The following ATG14 variants were observed in gnomAD, a reference collection of about 807,000 sequenced individuals.
ATG14 encodes the protein autophagy related 14, also known as beclin 1-associated autophagy-related key regulator.
In ATG14, 35 loss-of-function variants were observed where a neutral mutation model predicts 60.4. The observed-to-expected ratio is 0.58, with a 90% CI of 0.44 to 0.77. The LOEUF (loss-of-function observed/expected upper bound fraction) is 0.77, where lower values mean the gene tolerates loss of function less well. ATG14 is among the 30% of genes least tolerant of loss of function. ATG14 has a pLI of 0.00. For synonymous variants in ATG14, 234 were observed against 228.8 expected, an observed-to-expected ratio of 1.02 and a Z score of -0.21; for missense variants, 647 against 626.3, an observed-to-expected ratio of 1.03 and a Z score of -0.35.
chr14:55,397,931 A>G (rs377040346), intron 1 of ATG14, among the ~76,000 whole-genome samples: 2 of 148,174 alleles, frequency 1.3e-5, no homozygotes, highest in Admixed American at 1.3e-4. Flanking sequence ...GAGGTATCAC[A>G]TTGCAGTAAT....
chr14:55,387,699 C>T lies in ATG14; in HGVS notation c.410-1603G>A, dbSNP rs12892465. ...GTTTTTTCGTTTTGAGACGGAGTTTCGCTCTTGTTGCCCAGGCTGGAATGC... is the reference window on the plus strand; with the variant it reads ...GTTTTTTCGTTTTGAGACGGAGTTTTGCTCTTGTTGCCCAGGCTGGAATGC... On this transcript the variant is annotated intron_variant, in intron 4 of 9. Coordinates refer to ENST00000247178, the MANE Select transcript of ATG14 (RefSeq NM_014924.5). 4.4e-3 allele frequency among the ~76,000 whole-genome samples: 675 copies of T among 152,196 alleles called. 1 individual carries two copies. Among genetic ancestry groups the T allele is most frequent in the Non-Finnish European group, 7.2e-3 (493 of 68,008 alleles).
At chr14:55,377,363 T>C (rs1204792604) in intron 9 of ATG14, among the ~76,000 whole-genome samples, 6 of 151,072 alleles carry the variant, frequency 4.0e-5, no homozygotes, top group South Asian at 4.2e-4. Context: ...AAAAAGGAAA[T>C]TGTGAATTGT....
intron 1 of ATG14, among the ~76,000 whole-genome samples, chr14:55,408,388 C>G (rs1885521705): frequency 6.6e-6 from 1 of 152,110 alleles, no homozygotes; most frequent in Non-Finnish European, 1.5e-5. Context: ...ACAGGGAGGT[C>G]AAAGCTGCAG....
intron 3 of ATG14, chr14:55,395,046 CT>C: frequency 2.0e-6 from 1 of 494,020 alleles, no homozygotes; most frequent in South Asian, 1.5e-5. Flanking sequence ...CCACTTCTGA[CT>C]TTTCCCCCTT....
At chr14:55,410,857 G>T (rs1465567140) in intron 1 of ATG14, among the ~76,000 whole-genome samples, 1 of 152,206 alleles carries the variant, frequency 6.6e-6, no homozygotes, top group Non-Finnish European at 1.5e-5. Flanking sequence ...AACATAAGTT[G>T]AGAGTGGGAG....
At chr14:55,375,351 C>A (rs920703432) in intron 9 of ATG14, among the ~76,000 whole-genome samples, 1 of 152,154 alleles carries the variant, frequency 6.6e-6, no homozygotes, top group African/African-American at 2.4e-5. Flanking sequence ...TGTGAAGAGA[C>A]AGGGCTTCAT....
Position 55,386,014 on chromosome 14 carries a change from C to G in ATG14, c.492G>C (p.Lys164Asn). 6.2e-7 allele frequency: 1 copy of G among 1,614,170 alleles called. No individual in the cohort carries two copies. Among genetic ancestry groups the G allele is most frequent in the South Asian group, 1.1e-5 (1 of 91,088 alleles). ...RAQRHQEKKE[K>N]IQRHNRKLGD... ...CAAGTTTGCGATTATGCCTCTGAAT[C>G]TTCTCCTTTTTCTCTTGGTGCCGTT... The change falls in exon 5 of 10, where the codon AAG becomes AAC. Residue 164 changes from lysine to asparagine, a missense_variant. Transcript: ENST00000247178.
chr14:55,373,314 T>A (rs1884857724), intron 9 of ATG14, among the ~76,000 whole-genome samples: 1 of 152,236 alleles, frequency 6.6e-6, no homozygotes. Context: ...TCTAGCTTTG[T>A]AAAAGTCACT....
At chr14:55,388,097 A>G (rs1194911040) in intron 4 of ATG14, among the ~76,000 whole-genome samples, 1 of 152,112 alleles carries the variant, frequency 6.6e-6, no homozygotes, top group Non-Finnish European at 1.5e-5. Context: ...AGATCGTGCC[A>G]CTGCACTCCA....
Position 55,371,895 on chromosome 14 carries a change from A to C in ATG14, c.1173-1970T>G, listed in dbSNP as rs888316605. On this transcript the variant is annotated intron_variant, in intron 9 of 9. Coordinates refer to ENST00000247178, the MANE Select transcript of ATG14 (RefSeq NM_014924.5). Reference sequence around the variant, plus strand: ...CCTGCCCAGAAGTCAGTATTTTGCAAGGGTGAAAGGAGTAGGACTTTCTAC... The same window carrying C: ...CCTGCCCAGAAGTCAGTATTTTGCACGGGTGAAAGGAGTAGGACTTTCTAC... Among the ~76,000 whole-genome samples, 3 of 152,316 alleles carry C rather than the reference A, an allele frequency of 2.0e-5. No individual in the cohort carries two copies. In the East Asian group the frequency reaches 5.8e-4, roughly 29 times the overall value.
rs1885312949 is a variant in ATG14, at chr14:55,396,287, TAGTTACAAGA to T, written c.285-315_285-306del. On this transcript the variant is annotated intron_variant, in intron 2 of 9. Transcript: ENST00000247178. ...TGCCATCCGTCATAATTCATAGCAA[TAGTTACAAGA>T]GAATTAATGATCTAATAGTTCCCAA... is the stretch of plus-strand genomic sequence containing the variant. Among the ~76,000 whole-genome samples the T allele has an allele frequency of 2.0e-5, 3 of 152,320 alleles. No homozygotes were observed. The South Asian group carries it at 6.2e-4, about 32-fold the overall frequency.
intron 1 of ATG14, among the ~76,000 whole-genome samples, chr14:55,409,857 T>C (rs1366429008): frequency 6.6e-6 from 1 of 152,126 alleles, no homozygotes; most frequent in East Asian, 1.9e-4. Context: ...GGCTGCAATA[T>C]GGAAATTGTA....
chr14:55,370,029 G>A (rs1884779277), intron 9 of ATG14, 104 bp from the exon 10 acceptor site: 18 of 1,103,142 alleles, frequency 1.6e-5, no homozygotes, highest in South Asian at 3.7e-5. Context: ...GAGGGACGCC[G>A]CACACCCCAT....
intron 4 of ATG14, among the ~76,000 whole-genome samples, chr14:55,389,258 C>T (rs1486924107): frequency 6.6e-6 from 1 of 152,228 alleles, no homozygotes; most frequent in Non-Finnish European, 1.5e-5. Flanking sequence ...AGGAGGTTCA[C>T]AGATGCCCGG....
chr14:55,380,108 C>T (rs1396049393), intron 7 of ATG14, among the ~76,000 whole-genome samples: 1 of 151,942 alleles, frequency 6.6e-6, no homozygotes, highest in Non-Finnish European at 1.5e-5. Context: ...ATTAGCCAGG[C>T]GTGGTCGTGG....
Position 55,387,756 on chromosome 14 carries a change from C to T in ATG14, c.410-1660G>A, listed in dbSNP as rs577139149. ...GCATCTCGGCTCACTGCAACCTCCG[C>T]CTCCCGGGTTCAATTGATTCTCCTG... On this transcript the variant is annotated intron_variant, in intron 4 of 9. Coordinates refer to ENST00000247178, the MANE Select transcript of ATG14 (RefSeq NM_014924.5). Among the ~76,000 whole-genome samples, 201 of 152,140 alleles carry T rather than the reference C, an allele frequency of 1.3e-3. 2 individuals are homozygous for T. Among genetic ancestry groups the T allele is most frequent in the Middle Eastern group, 3.4e-3 (1 of 294 alleles).
intron 4 of ATG14, among the ~76,000 whole-genome samples, chr14:55,389,930 A>G (rs1236361614): frequency 6.6e-6 from 1 of 152,222 alleles, no homozygotes; most frequent in African/African-American, 2.4e-5. Flanking sequence ...TAAGATTAAT[A>G]CAGATTACAA....
chr14:55,384,029 G>A (rs1314921634), intron 5 of ATG14, among the ~76,000 whole-genome samples: 1 of 152,196 alleles, frequency 6.6e-6, no homozygotes, highest in Non-Finnish European at 1.5e-5. Flanking sequence ...GTATAAGATA[G>A]CTGCTACTGC....
chr14:55,382,308 A>G (rs1885050090), intron 5 of ATG14, 117 bp from the exon 6 acceptor site: 2 of 803,626 alleles, frequency 2.5e-6, no homozygotes, highest in Non-Finnish European at 3.9e-6. Flanking sequence ...GAAATTTTAC[A>G]TTAAATTTTT....
Sources: gnomAD v4.1 joint callset for allele counts (sites outside exome capture counted in the v4.1 genomes callset) on GRCh38, gnomAD v4.1.1 for gene constraint, MANE v1.5 for transcripts, NCBI Gene and HGNC (gene_info 2026-07-23, HGNC 2026-07-21) for gene names.